Variants in COX8A observed in about 807,000 individuals in gnomAD.
COX8A encodes the protein cytochrome c oxidase subunit 8A, also known as cytochrome c oxidase subunit 8A, mitochondrial.
Under a neutral mutation model 4.4 loss-of-function variants are expected in COX8A, and 6 were observed. The ratio of observed to expected loss-of-function variants is 1.36; its 90% CI spans 0.74 to 2.68. COX8A has a LOEUF of 2.68. Ranked by LOEUF, COX8A falls within the 30% of genes most tolerant of loss-of-function variation. The probability of loss-of-function intolerance (pLI) is 0.00; values close to 1 mark genes in which losing one functional copy is unlikely to be tolerated. For missense variants in COX8A, 72 were observed against 89.6 expected (o/e 0.80, Z 0.79); for synonymous variants, 53 against 47.1 (o/e 1.12, Z -0.51).
chr11:63,975,822 C>T (rs1441886046), intron 1 of COX8A, among the ~76,000 whole-genome samples: 1 of 152,104 alleles, frequency 6.6e-6, no homozygotes, highest in African/African-American at 2.4e-5. Flanking sequence ...CCTTGTGATC[C>T]GCCCGCCTTG....
intron 1 of COX8A, 126 bp from the exon 2 acceptor site, chr11:63,976,099 G>A (rs1942538101): frequency 2.4e-6 from 2 of 824,808 alleles, no homozygotes; most frequent in Admixed American, 3.6e-5. Context: ...AGGATGCGGG[G>A]CCTCCCACTT....
chr11:63,975,826 C>A (rs1379005804), intron 1 of COX8A, among the ~76,000 whole-genome samples: 1 of 151,660 alleles, frequency 6.6e-6, no homozygotes, highest in South Asian at 2.1e-4. Flanking sequence ...GTGATCCGCC[C>A]GCCTTGGCCT....
chr11:63,974,855 G>A (rs1026767360), intron 1 of COX8A, 61 bp downstream of exon 1: 1 of 1,403,712 alleles, frequency 7.1e-7, no homozygotes, highest in Admixed American at 2.6e-5. Flanking sequence ...CTGCCTAGCT[G>A]ACCTCAGGTG....
chr11:63,974,920 G>A lies in COX8A; in HGVS notation c.114+126G>A. 11 of 899,572 alleles carry A rather than the reference G, an allele frequency of 1.2e-5. No homozygotes were observed. In the South Asian group the frequency reaches 2.0e-4, roughly 16 times the overall value. 55.7% of individuals were successfully genotyped at this position (899,572 alleles called of 1,614,324 possible). A position where few individuals can be genotyped will look rare whatever the true frequency, so the allele number is the denominator to read the frequency against. On this transcript the variant is annotated intron_variant, in intron 1 of 1. Transcript: ENST00000314133. ...TAGCGGGGAGCAGCAGTGCCGGTTT[G>A]GGCATGTCTGGAGGGCGCGAACGAC...
At chr11:63,975,647 C>T (rs1201610268) in intron 1 of COX8A, among the ~76,000 whole-genome samples, 1 of 152,078 alleles carries the variant, frequency 6.6e-6, no homozygotes, top group Non-Finnish European at 1.5e-5. Context: ...GCGATCTCGG[C>T]TTACTGCAAC....
At chr11:63,976,138 G>A in intron 1 of COX8A, 87 bp from the exon 2 acceptor site, 1 of 1,296,452 alleles carries the variant, frequency 7.7e-7, no homozygotes, top group East Asian at 2.3e-5. Flanking sequence ...CCTGAGCGGG[G>A]CTTTCTGCTG....
chr11:63,974,654 G>A lies in COX8A; in HGVS notation c.-27G>A, dbSNP rs745767608. On this transcript the variant is annotated 5_prime_UTR_variant, in exon 1 of 2. Transcript: ENST00000314133. ...TCCTGACCTTGGGCTACGGCTGACC[G>A]TTTTTTGTGGTGTACTCCGTGCCAT... The A allele has an allele frequency of 1.4e-5, 22 of 1,582,732 alleles. No individual in the cohort carries two copies. Among genetic ancestry groups the A allele is most frequent in the Non-Finnish European group, 1.9e-5 (22 of 1,162,970 alleles).
In COX8A at chr11:63,976,268, T is replaced by G; in HGVS notation, c.158T>G (p.Leu53Arg). The G allele has an allele frequency of 6.2e-7, 1 of 1,614,180 alleles. No homozygotes were observed. Among genetic ancestry groups the G allele is most frequent in the Non-Finnish European group, 8.5e-7 (1 of 1,180,026 alleles). ...ACCTCCTGCTTCGTGACCTTCCTCC[T>G]GCCAGCGGGCTGGATCCTGTCACAC... Reference protein sequence around the residue: ...GLTSCFVTFLLPAGWILSHLE... With the variant: ...GLTSCFVTFLRPAGWILSHLE... Residue 53 changes from leucine (L) to arginine (R), a missense_variant, in exon 2 of 2, where the codon CTG becomes CGG. Leu to Arg is a moderately radical substitution (Grantham distance 102, BLOSUM62 -2). Transcript: ENST00000314133.
chr11:63,974,999 A>T (rs1245999153), intron 1 of COX8A, among the ~76,000 whole-genome samples: 4 of 151,976 alleles, frequency 2.6e-5, no homozygotes, highest in Non-Finnish European at 5.9e-5. Flanking sequence ...CTTTCCCCAC[A>T]GCCCCAGGAT....
Position 63,976,508 on chromosome 11 carries a change from G to A in COX8A, c.*188G>A. On this transcript the variant is annotated 3_prime_UTR_variant, in exon 2 of 2. Coordinates refer to ENST00000314133, the MANE Select transcript of COX8A (RefSeq NM_004074.3). ...GGGGTCACTGACCCTGCTTGGTGGGGTCCCCCTTGTAACAATAAAATCTAT... is the reference window on the plus strand; with the variant it reads ...GGGGTCACTGACCCTGCTTGGTGGGATCCCCCTTGTAACAATAAAATCTAT... 1.7e-6 allele frequency: 1 copy of A among 595,910 alleles called. No homozygotes were observed. The highest frequency in any genetic ancestry group is 3.0e-6 in the Non-Finnish European group (1 of 333,926). 36.9% of individuals were successfully genotyped at this position (595,910 alleles called of 1,614,324 possible).
rs751020656 is a variant in COX8A, at chr11:63,974,652, C to G, written c.-29C>G. The stretch of plus-strand genomic sequence containing the variant: ...CTTCCTGACCTTGGGCTACGGCTGA[C>G]CGTTTTTTGTGGTGTACTCCGTGCC... On this transcript the variant is annotated 5_prime_UTR_variant, in exon 1 of 2. Coordinates refer to ENST00000314133, the MANE Select transcript of COX8A (RefSeq NM_004074.3). The G allele has an allele frequency of 3.2e-6, 5 of 1,579,332 alleles. No homozygotes were observed. Among genetic ancestry groups the G allele is most frequent in the Non-Finnish European group, 4.3e-6 (5 of 1,160,768 alleles).
At chr11:63,974,820 G>T in intron 1 of COX8A, 26 bp downstream of exon 1, 1 of 1,558,498 alleles carries the variant, frequency 6.4e-7, no homozygotes, top group Non-Finnish European at 8.7e-7. Context: ...GGAAGAGCGC[G>T]GGAGGCGCCG....
Position 63,974,773 on chromosome 11 carries a change from G to A in COX8A, c.93G>A (p.Pro31=), listed in dbSNP as rs528113495. 3 of 1,606,872 alleles carry A rather than the reference G, an allele frequency of 1.9e-6. No individual in the cohort carries two copies. The highest frequency in any genetic ancestry group is 1.1e-5 in the South Asian group (1 of 89,948). The change falls in exon 1 of 2, where the codon CCG becomes CCA. Residue 31 remains proline (P), a synonymous_variant. Coordinates refer to ENST00000314133, the MANE Select transcript of COX8A (RefSeq NM_004074.3). ...VPRAKIHSLP[P]EGKLGIMELA... ...GCGCCAAGATCCATTCGTTGCCGCC[G>A]GAGGGGAAGCTTGGGATCATGGTGA...
intron 1 of COX8A, among the ~76,000 whole-genome samples, chr11:63,975,067 C>A (rs1366459524): frequency 6.6e-6 from 1 of 152,194 alleles, no homozygotes; most frequent in African/African-American, 2.4e-5. Context: ...TGCGCCGCCT[C>A]CTGCCGACTT....
In COX8A at chr11:63,976,297, G is replaced by C. The variant is rs762976394; in HGVS notation, c.187G>C (p.Glu63Gln). The C allele has an allele frequency of 2.5e-6, 4 of 1,614,180 alleles. No individual in the cohort carries two copies. The change falls in exon 2 of 2, where the codon GAG (glutamate) becomes CAG (glutamine). Residue 63 changes from glutamate (E) to glutamine (Q), a missense_variant. Glu to Gln is a conservative substitution (Grantham distance 29). Transcript: ENST00000314133. ...AGCGGGCTGGATCCTGTCACACCTG[G>C]AGACCTACAGGAGGCCAGAGTGAAG... ...LPAGWILSHL[E>Q]TYRRPE
At chr11:63,975,513 G>A (rs777705739) in intron 1 of COX8A, among the ~76,000 whole-genome samples, 9 of 151,862 alleles carry the variant, frequency 5.9e-5, no homozygotes, top group Non-Finnish European at 1.0e-4. Context: ...GATAGGTATC[G>A]TTTTGGAGTT....
chr11:63,976,203 T>G (rs770349324), intron 1 of COX8A, 22 bp from the exon 2 acceptor site: 9 of 1,611,378 alleles, frequency 5.6e-6, no homozygotes, highest in Non-Finnish European at 7.6e-6. Flanking sequence ...CCGAGGTGCC[T>G]TCTTTCTTGT....
rs751020656 is a variant in COX8A, at chr11:63,974,652, C to T, written c.-29C>T. The stretch of plus-strand genomic sequence containing the variant: ...CTTCCTGACCTTGGGCTACGGCTGA[C>T]CGTTTTTTGTGGTGTACTCCGTGCC... On this transcript the variant is annotated 5_prime_UTR_variant, in exon 1 of 2. Coordinates refer to ENST00000314133, the MANE Select transcript of COX8A (RefSeq NM_004074.3). 7.6e-6 allele frequency: 12 copies of T among 1,579,332 alleles called. No homozygotes were observed. The highest frequency in any genetic ancestry group is 1.8e-5 in the Admixed American group (1 of 55,124).
At position 63,974,686 on chromosome 11, in the gene COX8A, C is replaced by T. The variant is rs774738979; in HGVS notation, c.6C>T (p.Ser2=). Residue 2 remains serine, a synonymous_variant, in exon 1 of 2, where the codon TCC becomes TCT. Transcript: ENST00000314133. M[S]VLTPLLLRGL... Reference sequence around the variant, plus strand: ...GTGGTGTACTCCGTGCCATCATGTCCGTCCTGACGCCGCTGCTGCTGCGGG... The same window carrying T: ...GTGGTGTACTCCGTGCCATCATGTCTGTCCTGACGCCGCTGCTGCTGCGGG... The T allele has an allele frequency of 1.1e-5, 17 of 1,606,330 alleles. No homozygotes were observed. The highest frequency in any genetic ancestry group is 2.2e-5 in the East Asian group (1 of 44,618).
Sources: gnomAD v4.1 joint callset for allele counts (sites outside exome capture counted in the v4.1 genomes callset) on GRCh38, gnomAD v4.1.1 for gene constraint, MANE v1.5 for transcripts, NCBI Gene and HGNC (gene_info 2026-07-23, HGNC 2026-07-21) for gene names.